Variants in CNTNAP2 observed in about 807,000 individuals in gnomAD.
The protein encoded by CNTNAP2 is contactin associated protein 2.
In CNTNAP2, 98 loss-of-function variants were observed where a neutral mutation model predicts 155.2. The observed-to-expected ratio is 0.63, with a 90% CI of 0.54 to 0.75. The LOEUF (loss-of-function observed/expected upper bound fraction) is 0.75, where lower values mean the gene tolerates loss of function less well. CNTNAP2 is among the 30% of genes least tolerant of loss of function. The pLI is 0.00. For missense variants in CNTNAP2, 1,727 were observed against 1,688.1 expected (o/e 1.02, Z -0.40); for synonymous variants, 651 against 631.2 (o/e 1.03, Z -0.47).
chr7:146,761,918 T>C (rs1802108379), intron 1 of CNTNAP2, among the ~76,000 whole-genome samples: 1 of 152,132 alleles, frequency 6.6e-6, no homozygotes, highest in South Asian at 2.1e-4. Context: ...ATTTTTCAAA[T>C]CGCCACTTCA....
At chr7:147,805,335 T>A (rs1037343673) in intron 13 of CNTNAP2, among the ~76,000 whole-genome samples, 1 of 152,134 alleles carries the variant, frequency 6.6e-6, no homozygotes, top group East Asian at 1.9e-4. Flanking sequence ...CTTAAAGGAG[T>A]GAATTTTCTA....
intron 3 of CNTNAP2, among the ~76,000 whole-genome samples, chr7:146,880,195 A>G (rs1347828281): frequency 6.6e-6 from 1 of 152,154 alleles, no homozygotes; most frequent in East Asian, 1.9e-4. Context: ...TCACATGTTG[A>G]AAGCCTAATA....
Position 147,528,752 on chromosome 7 carries a change from C to T in CNTNAP2, c.1778-33386C>T, listed in dbSNP as rs375009186. 8.5e-5 allele frequency among the ~76,000 whole-genome samples: 13 copies of T among 152,272 alleles called. No homozygotes were observed. In the East Asian group the frequency reaches 9.7e-4, roughly 11 times the overall value. ...GTGTAATGCCCAGAAGAACAGGCATCGGAGGAGAGCCCAGGAGTTGATTCT... is the reference window on the plus strand; with the variant it reads ...GTGTAATGCCCAGAAGAACAGGCATTGGAGGAGAGCCCAGGAGTTGATTCT... On this transcript the variant is annotated intron_variant, in intron 11 of 23. Transcript: ENST00000361727.
At chr7:146,268,249 T>C (rs1032393778) in intron 1 of CNTNAP2, among the ~76,000 whole-genome samples, 2 of 152,198 alleles carry the variant, frequency 1.3e-5, no homozygotes, top group African/African-American at 2.4e-5. Flanking sequence ...TAGTCTGTGG[T>C]GTTTATCGTA....
chr7:148,323,251 A>G (rs1797827618), intron 21 of CNTNAP2, among the ~76,000 whole-genome samples: 1 of 135,016 alleles, frequency 7.4e-6, no homozygotes. Context: ...TTAAAAATCC[A>G]TGGTCCTTCT....
At chr7:146,793,629 G>GTTCC (rs1802717012) in intron 2 of CNTNAP2, among the ~76,000 whole-genome samples, 1 of 152,242 alleles carries the variant, frequency 6.6e-6, no homozygotes, top group South Asian at 2.1e-4. Flanking sequence ...TGCGATAGCT[G>GTTCC]TTCCTTGACA....
At chr7:146,733,434 A>C (rs1801560802) in intron 1 of CNTNAP2, among the ~76,000 whole-genome samples, 1 of 152,124 alleles carries the variant, frequency 6.6e-6, no homozygotes. Context: ...AAAAACAAGA[A>C]ATAAAATATA....
intron 1 of CNTNAP2, among the ~76,000 whole-genome samples, chr7:146,589,659 G>T (rs761306506): frequency 5.3e-5 from 8 of 151,820 alleles, no homozygotes; most frequent in Non-Finnish European, 8.8e-5. Context: ...ATGATGGATT[G>T]ATGAGTGCAG....
intron 10 of CNTNAP2, among the ~76,000 whole-genome samples, chr7:147,445,897 T>C (rs948046144): frequency 6.6e-6 from 1 of 152,094 alleles, no homozygotes; most frequent in African/African-American, 2.4e-5. Context: ...TGGGCTCAAG[T>C]GATCATCCTG....
At chr7:147,922,940 C>A (rs1349904199) in intron 14 of CNTNAP2, among the ~76,000 whole-genome samples, 1 of 151,884 alleles carries the variant, frequency 6.6e-6, no homozygotes, top group Non-Finnish European at 1.5e-5. Flanking sequence ...CTTAATGACA[C>A]CTTAGTCAAG....
At chr7:146,686,126 G>A (rs1031563884) in intron 1 of CNTNAP2, among the ~76,000 whole-genome samples, 1 of 151,980 alleles carries the variant, frequency 6.6e-6, no homozygotes, top group African/African-American at 2.4e-5. Context: ...CTGAGACACT[G>A]TCTTTACAAA....
intron 1 of CNTNAP2, among the ~76,000 whole-genome samples, chr7:146,450,809 T>G (rs1398188217): frequency 6.6e-6 from 1 of 152,212 alleles, no homozygotes; most frequent in Non-Finnish European, 1.5e-5. Context: ...CCTCAGGGAT[T>G]TTTACAAATA....
intron 1 of CNTNAP2, among the ~76,000 whole-genome samples, chr7:146,229,341 T>C (rs1340421038): frequency 6.6e-6 from 1 of 152,220 alleles, no homozygotes; most frequent in African/African-American, 2.4e-5. Context: ...ACAAAATTTC[T>C]TCAAAGGTCT....
intron 4 of CNTNAP2, among the ~76,000 whole-genome samples, chr7:147,069,147 A>G (rs1799842560): frequency 1.3e-5 from 2 of 152,160 alleles, no homozygotes; most frequent in South Asian, 4.1e-4. Flanking sequence ...AGAGCCATTT[A>G]TGAGGGATCC....
intron 1 of CNTNAP2, among the ~76,000 whole-genome samples, chr7:146,476,395 G>A (rs1796877591): frequency 1.3e-5 from 2 of 152,158 alleles, no homozygotes; most frequent in Admixed American, 1.3e-4. Context: ...AGATACTGCA[G>A]AATTCATAGC....
At chr7:146,417,637 AACTT>A (rs146589387) in intron 1 of CNTNAP2, among the ~76,000 whole-genome samples, 5,395 of 152,062 alleles carry the variant, frequency 0.035, 340 homozygotes, top group African/African-American at 0.12. Context: ...CTCTTTTACT[AACTT>A]CATAGTTTTA....
At chr7:146,280,999 AT>A (rs1800242735) in intron 1 of CNTNAP2, among the ~76,000 whole-genome samples, 1 of 152,170 alleles carries the variant, frequency 6.6e-6, no homozygotes, top group South Asian at 2.1e-4. Context: ...GTGACCGTCA[AT>A]TCCTGGAAAC....
intron 1 of CNTNAP2, among the ~76,000 whole-genome samples, chr7:146,675,564 T>G (rs1452573104): frequency 6.6e-6 from 1 of 152,202 alleles, no homozygotes; most frequent in Non-Finnish European, 1.5e-5. Context: ...AAATAAGTAT[T>G]CAGTATGTTT....
intron 3 of CNTNAP2, among the ~76,000 whole-genome samples, chr7:146,992,761 A>C (rs1798233318): frequency 6.6e-6 from 1 of 152,168 alleles, no homozygotes; most frequent in African/African-American, 2.4e-5. Context: ...TAGAAACAAA[A>C]CTGTACAAAA....
Sources: allele counts gnomAD v4.1 joint callset (sites outside exome capture counted in the v4.1 genomes callset), GRCh38; gene constraint gnomAD v4.1.1; transcripts MANE v1.5; gene names NCBI Gene and HGNC (gene_info 2026-07-23, HGNC 2026-07-21).